CORO2A: variants seen among roughly 807,000 people sequenced by gnomAD.
The protein encoded by CORO2A is coronin-2A.
In CORO2A, 47 loss-of-function variants were observed where a neutral mutation model predicts 62.4. That is an observed-to-expected ratio of 0.75 (90% CI 0.60 to 0.96). CORO2A has a LOEUF of 0.96. Among genes scored for constraint, CORO2A ranks in the 40% least tolerant of loss-of-function variants. The pLI is 0.00. For synonymous variants in CORO2A, 273 were observed against 268.9 expected (o/e 1.02, Z -0.15); for missense variants, 610 against 684.1 (o/e 0.89, Z 1.21).
chr9:98,142,181 C>T (rs2795488), intron 2 of CORO2A, among the ~76,000 whole-genome samples: 17,907 of 152,324 alleles, frequency 0.12, 1,325 homozygotes, highest in Middle Eastern at 0.18. Context: ...ATGGAGCCCA[C>T]AGCTGCACTG....
chr9:98,121,235 A>ATAAC lies in CORO2A; in HGVS notation c.*3538_*3539insGTTA, dbSNP rs1209129302. The ATAAC allele has an allele frequency of 6.6e-6, 1 of 152,174 alleles. No homozygotes were observed. The highest frequency in any genetic ancestry group is 1.5e-5 in the Non-Finnish European group (1 of 68,030). The allele number at this position is 152,174 out of a possible 1,614,324, so 9.4% of individuals were successfully genotyped here. ...AGGAAGCACAATTATTGTAGCGTTA[A>ATAAC]GGTGGATACCTGCCAAAGCTCATCT... On this transcript the variant is annotated 3_prime_UTR_variant, in exon 12 of 12. Transcript: ENST00000375077.
chr9:98,133,237 C>T lies in CORO2A; in HGVS notation c.469-20G>A. On this transcript the variant is annotated intron_variant, in intron 4 of 11. Coordinates refer to ENST00000375077, the MANE Select transcript of CORO2A (RefSeq NM_052820.4). ...CATCACCTGCATGGCAGAGAGCCAGCTCTGAGCACAGGGGCCACCTTGCCC... is the reference window on the plus strand; with the variant it reads ...CATCACCTGCATGGCAGAGAGCCAGTTCTGAGCACAGGGGCCACCTTGCCC... 6.2e-7 allele frequency: 1 copy of T among 1,613,122 alleles called. No homozygotes were observed. Among genetic ancestry groups the T allele is most frequent in the Non-Finnish European group, 8.5e-7 (1 of 1,179,246 alleles).
chr9:98,132,124 G>T, intron 6 of CORO2A, 61 bp downstream of exon 6: 2 of 1,233,132 alleles, frequency 1.6e-6, no homozygotes, highest in Non-Finnish European at 2.4e-6. Flanking sequence ...ATGCATGCAT[G>T]AATGAATGAC....
intron 1 of CORO2A, among the ~76,000 whole-genome samples, chr9:98,168,651 A>G (rs1827992890): frequency 6.6e-6 from 1 of 152,230 alleles, no homozygotes; most frequent in African/African-American, 2.4e-5. Flanking sequence ...GTGCATACTT[A>G]GTGTTCAAAA....
intron 1 of CORO2A, among the ~76,000 whole-genome samples, chr9:98,178,117 G>A (rs1286110057): frequency 6.6e-6 from 1 of 152,136 alleles, no homozygotes; most frequent in African/African-American, 2.4e-5. Flanking sequence ...TGCCATCATA[G>A]CTCATTGTAG....
intron 7 of CORO2A, 31 bp downstream of exon 7, chr9:98,130,924 G>A (rs781138384): frequency 6.3e-7 from 1 of 1,578,834 alleles, no homozygotes; most frequent in South Asian, 1.1e-5. Context: ...CAGGGGTCCA[G>A]GAGGTCACCT....
intron 1 of CORO2A, among the ~76,000 whole-genome samples, chr9:98,159,926 C>T (rs1186946440): frequency 6.6e-6 from 1 of 152,170 alleles, no homozygotes; most frequent in African/African-American, 2.4e-5. Flanking sequence ...AAGATGCTCA[C>T]CCAGCCCACA....
intron 1 of CORO2A, among the ~76,000 whole-genome samples, chr9:98,181,916 G>A (rs116582722): frequency 0.015 from 2,238 of 152,218 alleles, 52 homozygotes; most frequent in African/African-American, 0.05. Flanking sequence ...CCTCAGACAA[G>A]TCCTATGGCC....
At chr9:98,145,289 C>T (rs1393223869) in intron 2 of CORO2A, among the ~76,000 whole-genome samples, 1 of 152,156 alleles carries the variant, frequency 6.6e-6, no homozygotes, top group African/African-American at 2.4e-5. Context: ...CCCAGTGTGG[C>T]CTCCAGGTGG....
chr9:98,144,831 G>A (rs1446764973), intron 2 of CORO2A, among the ~76,000 whole-genome samples: 1 of 152,072 alleles, frequency 6.6e-6, no homozygotes. Flanking sequence ...TGAGCAAGAG[G>A]GGTGAGGCTG....
At chr9:98,189,024 A>G (rs976063209) in intron 1 of CORO2A, among the ~76,000 whole-genome samples, 1 of 152,130 alleles carries the variant, frequency 6.6e-6, no homozygotes, top group Non-Finnish European at 1.5e-5. Context: ...TCATAATCAC[A>G]CCTTCCTTGT....
chr9:98,176,184 T>C lies in CORO2A; in HGVS notation c.-1+16375A>G, dbSNP rs140657482. ...AGGCACCAAAACCCTCTGAACCGAA[T>C]GAAAGCAGAGAAAGCCTTGTGCCCC... On this transcript the variant is annotated intron_variant, in intron 1 of 11. Coordinates refer to ENST00000375077, the MANE Select transcript of CORO2A (RefSeq NM_052820.4). Among the ~76,000 whole-genome samples the C allele has an allele frequency of 3.9e-5, 6 of 152,304 alleles. No homozygotes were observed. In the East Asian group the frequency reaches 7.7e-4, roughly 20 times the overall value.
intron 1 of CORO2A, among the ~76,000 whole-genome samples, chr9:98,191,987 G>A (rs975466852): frequency 6.6e-6 from 1 of 152,224 alleles, no homozygotes; most frequent in Admixed American, 6.5e-5. Context: ...TCCAACCTAG[G>A]GCTCCTCCAG....
intron 1 of CORO2A, among the ~76,000 whole-genome samples, chr9:98,174,244 C>T (rs1284688057): frequency 6.6e-6 from 1 of 151,974 alleles, no homozygotes; most frequent in African/African-American, 2.4e-5. Context: ...CTTTCCTAAA[C>T]CTCTCTGTGC....
intron 8 of CORO2A, 80 bp from the exon 9 acceptor site, chr9:98,128,799 T>A: frequency 8.8e-7 from 1 of 1,132,802 alleles, no homozygotes; most frequent in Non-Finnish European, 1.3e-6. Flanking sequence ...GCTGCACACC[T>A]GGACCTGAAC....
chr9:98,141,641 A>C (rs1362137230), intron 2 of CORO2A, among the ~76,000 whole-genome samples: 1 of 152,188 alleles, frequency 6.6e-6, no homozygotes, highest in Non-Finnish European at 1.5e-5. Context: ...GGCTTGAGCC[A>C]CTGCGCCCAG....
In CORO2A at chr9:98,124,719, C is replaced by A; in HGVS notation, c.*55G>T. On this transcript the variant is annotated 3_prime_UTR_variant, in exon 12 of 12. Transcript: ENST00000375077. The stretch of plus-strand genomic sequence containing the variant: ...AGGGGACTTGTGGTTTGGTTCTAAA[C>A]CTCCCCATGGAGCCGAGTGGTGTCC... The A allele has an allele frequency of 1.3e-6, 2 of 1,510,612 alleles. No individual in the cohort carries two copies. Among genetic ancestry groups the A allele is most frequent in the South Asian group, 2.7e-5 (2 of 73,888 alleles). 93.6% of individuals were successfully genotyped at this position (1,510,612 alleles called of 1,614,324 possible).
chr9:98,183,067 C>A (rs1029989262), intron 1 of CORO2A, among the ~76,000 whole-genome samples: 4 of 152,234 alleles, frequency 2.6e-5, no homozygotes, highest in African/African-American at 4.8e-5. Context: ...CTAGCATTCA[C>A]CCTGGATCTC....
intron 2 of CORO2A, among the ~76,000 whole-genome samples, chr9:98,147,570 A>G (rs1310610726): frequency 6.6e-6 from 1 of 152,238 alleles, no homozygotes; most frequent in African/African-American, 2.4e-5. Flanking sequence ...GTAGATCGGT[A>G]TCACCTGGGA....
Sources: allele counts gnomAD v4.1 joint callset (sites outside exome capture counted in the v4.1 genomes callset), GRCh38; gene constraint gnomAD v4.1.1; transcripts MANE v1.5; gene names NCBI Gene and HGNC (gene_info 2026-07-23, HGNC 2026-07-21).